The following RPAP2 variants were observed in gnomAD, a reference collection of about 807,000 sequenced individuals.
The protein encoded by RPAP2 is putative RNA polymerase II subunit B1 CTD phosphatase RPAP2.
RPAP2 carries 52 observed loss-of-function variants against 73.1 expected under a neutral mutation model. The ratio of observed to expected loss-of-function variants is 0.71; its 90% CI spans 0.57 to 0.90. RPAP2 has a LOEUF of 0.90. Ranked by LOEUF, RPAP2 falls within the 40% of genes least tolerant of loss-of-function variation. The pLI, the probability that RPAP2 is intolerant of heterozygous loss-of-function variation, is 0.00. For missense variants in RPAP2, 598 were observed against 701.8 expected, an observed-to-expected ratio of 0.85 and a Z score of 1.67; for synonymous variants, 225 against 242.1, an observed-to-expected ratio of 0.93 and a Z score of 0.65.
intron 11 of RPAP2, among the ~76,000 whole-genome samples, chr1:92,361,104 C>T (rs12145749): frequency 0.01 from 516 of 50,888 alleles, 4 homozygotes; most frequent in African/African-American, 0.035. Flanking sequence ...TATATATATA[C>T]ACACACACAC....
rs1656328002 is a variant in RPAP2, at chr1:92,401,978, T to C, written c.*14967T>C. 6.6e-6 allele frequency: 1 copy of C among 152,226 alleles called. No individual in the cohort carries two copies. Among genetic ancestry groups the C allele is most frequent in the South Asian group, 2.1e-4 (1 of 4,834 alleles). 9.4% of individuals were successfully genotyped at this position (152,226 alleles called of 1,614,324 possible). ...TTTGCCTATGTTTGAAGGATATTGGTTTGTAATTTTTCTTGTAACATCTTT... is the reference window on the plus strand; with the variant it reads ...TTTGCCTATGTTTGAAGGATATTGGCTTGTAATTTTTCTTGTAACATCTTT... On this transcript the variant is annotated 3_prime_UTR_variant, in exon 13 of 13. Transcript: ENST00000610020.
intron 8 of RPAP2, among the ~76,000 whole-genome samples, chr1:92,330,628 G>C (rs1190417592): frequency 1.3e-5 from 2 of 151,468 alleles, no homozygotes; most frequent in African/African-American, 4.9e-5. Flanking sequence ...TGTATTTTTA[G>C]TAGAAACACA....
At chr1:92,386,033 T>C (rs1430264043) in intron 12 of RPAP2, among the ~76,000 whole-genome samples, 1 of 152,132 alleles carries the variant, frequency 6.6e-6, no homozygotes, top group Non-Finnish European at 1.5e-5. Context: ...CCTCCCCTAA[T>C]CCCCTGCCCA....
At position 92,395,724 on chromosome 1, in the gene RPAP2, T is replaced by C. The variant is rs1208879272; in HGVS notation, c.*8713T>C. On this transcript the variant is annotated 3_prime_UTR_variant, in exon 13 of 13. Transcript: ENST00000610020. Reference sequence around the variant, plus strand: ...CCATAATAAGTATCTGATAGAGGACTTGTATCTAGACTATGTAAAGAATTC... The same window carrying C: ...CCATAATAAGTATCTGATAGAGGACCTGTATCTAGACTATGTAAAGAATTC... 2.0e-5 allele frequency: 3 copies of C among 151,810 alleles called. No individual in the cohort carries two copies. The highest frequency in any genetic ancestry group is 7.3e-5 in the African/African-American group (3 of 41,350). 9.4% of individuals were successfully genotyped at this position (151,810 alleles called of 1,614,324 possible).
chr1:92,371,052 A>G (rs935411904), intron 11 of RPAP2, among the ~76,000 whole-genome samples: 1 of 152,064 alleles, frequency 6.6e-6, no homozygotes, highest in African/African-American at 2.4e-5. Context: ...CATGCCTGTA[A>G]TCCCAGCACT....
chr1:92,304,406 C>A, intron 5 of RPAP2, 57 bp downstream of exon 5: 1 of 889,244 alleles, frequency 1.1e-6, no homozygotes, highest in Non-Finnish European at 1.7e-6. Context: ...TAACCACTAT[C>A]CTAACAAGGC....
intron 12 of RPAP2, among the ~76,000 whole-genome samples, chr1:92,381,467 T>C (rs1023458589): frequency 1.3e-5 from 2 of 152,178 alleles, no homozygotes; most frequent in African/African-American, 4.8e-5. Context: ...TAACTTTCCA[T>C]GTATTCCTTC....
intron 11 of RPAP2, among the ~76,000 whole-genome samples, chr1:92,352,878 G>A (rs989673850): frequency 6.6e-6 from 1 of 151,990 alleles, no homozygotes; most frequent in Admixed American, 6.6e-5. Context: ...TAGTCCTCTG[G>A]CAACCATAAA....
At chr1:92,357,092 C>CAG (rs1312486345) in intron 11 of RPAP2, among the ~76,000 whole-genome samples, 2 of 94,778 alleles carry the variant, frequency 2.1e-5, no homozygotes, top group African/African-American at 1.3e-4. Context: ...AAAAGGATTA[C>CAG]ATACACACAC....
At chr1:92,369,856 A>G (rs934437110) in intron 11 of RPAP2, among the ~76,000 whole-genome samples, 1 of 152,208 alleles carries the variant, frequency 6.6e-6, no homozygotes, top group African/African-American at 2.4e-5. Flanking sequence ...TCAAAGAAAG[A>G]TAACCTGAAA....
intron 11 of RPAP2, among the ~76,000 whole-genome samples, chr1:92,349,175 A>G (rs990843959): frequency 3.3e-5 from 5 of 152,234 alleles, no homozygotes; most frequent in Admixed American, 6.5e-5. Context: ...ACTTGTAGAC[A>G]TTTCTGGAAT....
chr1:92,386,019 G>C (rs1271045601), intron 12 of RPAP2, among the ~76,000 whole-genome samples: 1 of 152,160 alleles, frequency 6.6e-6, no homozygotes, highest in African/African-American at 2.4e-5. Context: ...CTGTTGTCTA[G>C]AAACCTCCCC....
intron 11 of RPAP2, among the ~76,000 whole-genome samples, chr1:92,365,629 TC>T (rs1654904006): frequency 6.6e-6 from 1 of 152,228 alleles, no homozygotes; most frequent in Non-Finnish European, 1.5e-5. Flanking sequence ...TTTTCTAAAA[TC>T]GTTAATAGTT....
At chr1:92,379,902 C>G (rs1434007695) in intron 11 of RPAP2, among the ~76,000 whole-genome samples, 2 of 149,700 alleles carry the variant, frequency 1.3e-5, no homozygotes, top group Non-Finnish European at 3.0e-5. Context: ...GCATTCCAGC[C>G]TGGGTGACAG....
chr1:92,304,098 A>G (rs775066670), intron 4 of RPAP2, 23 bp downstream of exon 4: 8 of 1,503,262 alleles, frequency 5.3e-6, no homozygotes, highest in Non-Finnish European at 7.3e-6. Flanking sequence ...TTTTTTTTAA[A>G]ATATAGGCTT....
chr1:92,301,523 GAA>G lies in RPAP2; in HGVS notation c.170_171del (p.Lys57SerfsTer6). 6.3e-7 allele frequency: 1 copy of G among 1,597,774 alleles called. No homozygotes were observed. Among genetic ancestry groups the G allele is most frequent in the Non-Finnish European group, 8.5e-7 (1 of 1,174,824 alleles). The stretch of plus-strand genomic sequence containing the variant: ...GTGAGAAAGAAGATTGAATTTGAGA[GAA>G]AAGCTCTACATATTGTTGAACAGCT... On this transcript the variant is annotated frameshift_variant, in exon 3 of 13. Coordinates refer to ENST00000610020, the MANE Select transcript of RPAP2 (RefSeq NM_024813.3). LOFTEE classifies it high-confidence loss of function.
At chr1:92,356,062 C>CTGTT (rs1654447023) in intron 11 of RPAP2, among the ~76,000 whole-genome samples, 1 of 152,146 alleles carries the variant, frequency 6.6e-6, no homozygotes, top group African/African-American at 2.4e-5. Flanking sequence ...TGTTTTAAAA[C>CTGTT]TGTTTTACTT....
At position 92,301,575 on chromosome 1, in the gene RPAP2, G is replaced by A. The variant is rs143394900; in HGVS notation, c.219G>A (p.Glu73=). The A allele has an allele frequency of 1.4e-6, 2 of 1,468,246 alleles. No individual in the cohort carries two copies. The highest frequency in any genetic ancestry group is 1.4e-5 in the African/African-American group (1 of 69,738). 91.0% of individuals were successfully genotyped at this position (1,468,246 alleles called of 1,614,324 possible). Residue 73 remains glutamate (E), a synonymous_variant, in exon 3 of 13, where the codon GAG becomes GAA. Transcript: ENST00000610020. ...EQLLEENITE[E]FLMECGRFIT... is the part of the protein sequence containing the mutation. ...TTTTAGAGGAGAATATTACAGAAGAGTTCCTAATGGAGTGTGTATGTGTTA... is the reference window on the plus strand; with the variant it reads ...TTTTAGAGGAGAATATTACAGAAGAATTCCTAATGGAGTGTGTATGTGTTA...
In RPAP2 at chr1:92,380,469, T is replaced by A. The variant is rs1046183296; in HGVS notation, c.1689-255T>A. On this transcript the variant is annotated intron_variant, in intron 11 of 12. Coordinates refer to ENST00000610020, the MANE Select transcript of RPAP2 (RefSeq NM_024813.3). ...ATTTTCTGAGCAGAATTTTAGTAGT[T>A]TTTGCTGGCATGAAGAAGAACAAAC... is the stretch of plus-strand genomic sequence containing the variant. Among the ~76,000 whole-genome samples, 4 of 152,238 alleles carry A rather than the reference T, an allele frequency of 2.6e-5. No individual in the cohort carries two copies. The South Asian group carries it at 8.3e-4, about 32-fold the overall frequency.
Sources: allele counts gnomAD v4.1 joint callset (sites outside exome capture counted in the v4.1 genomes callset), GRCh38; gene constraint gnomAD v4.1.1; transcripts MANE v1.5; gene names NCBI Gene and HGNC (gene_info 2026-07-23, HGNC 2026-07-21).